Variants in AKAP9 observed in about 807,000 individuals in gnomAD.
AKAP9 encodes the protein A-kinase anchoring protein 9, also known as A-kinase anchor protein 9.
In AKAP9, 311 loss-of-function variants were observed where a neutral mutation model predicts 488.5. The ratio of observed to expected loss-of-function variants is 0.64; its 90% confidence interval spans 0.58 to 0.70. The LOEUF is 0.70. Ranked by LOEUF, AKAP9 falls within the 30% of genes least tolerant of loss-of-function variation. The probability of loss-of-function intolerance (pLI) is 0.00; values close to 1 mark genes in which losing one functional copy is unlikely to be tolerated. For synonymous variants in AKAP9, 1,462 were observed against 1,483.5 expected (o/e 0.99, Z 0.33); for missense variants, 4,215 against 4,374.5 (o/e 0.96, Z 1.03).
At chr7:92,021,795 T>C (rs1355816912) in intron 12 of AKAP9, among the ~76,000 whole-genome samples, 4 of 152,216 alleles carry the variant, frequency 2.6e-5, no homozygotes, top group African/African-American at 9.6e-5. Flanking sequence ...TTGTTTACTG[T>C]ACAGAGCACC....
At chr7:92,029,844 C>G in intron 14 of AKAP9, 51 bp from the exon 15 acceptor site, 2 of 1,466,378 alleles carry the variant, frequency 1.4e-6, no homozygotes, top group Non-Finnish European at 1.9e-6. Context: ...TGCATGAACA[C>G]TAAAGCACAT....
chr7:92,110,184 G>A lies in AKAP9; in HGVS notation c.*25G>A, dbSNP rs144959713. 119 of 1,569,662 alleles carry A rather than the reference G, an allele frequency of 7.6e-5. No individual in the cohort carries two copies. Among genetic ancestry groups the A allele is most frequent in the Non-Finnish European group, 9.5e-5 (109 of 1,144,636 alleles). ...ATCCTTTGAAACATCATTAATTGAA[G>A]TGATTTTAAATAGATTTCCTTTTGT... On this transcript the variant is annotated 3_prime_UTR_variant, in exon 50 of 50. Coordinates refer to ENST00000356239, the MANE Select transcript of AKAP9 (RefSeq NM_005751.5).
At chr7:92,007,717 A>G (rs1800111809) in intron 8 of AKAP9, among the ~76,000 whole-genome samples, 1 of 152,226 alleles carries the variant, frequency 6.6e-6, no homozygotes, top group South Asian at 2.1e-4. Context: ...TAATTGGTTT[A>G]TAGTTTATCT....
chr7:92,079,672 A>G lies in AKAP9; in HGVS notation c.7539A>G (p.Leu2513=). ...AGAGCACTGTTAGTGCAAAGGACTT[A>G]GAACTTACCCAGTGTTATAAACAAA... ...QLESTVSAKD[L]ELTQCYKQIK... is the part of the protein sequence containing the mutation. The change falls in exon 31 of 50, where the codon TTA becomes TTG. Residue 2513 remains leucine (L), a synonymous_variant. Transcript: ENST00000356239. 1 of 1,614,094 alleles carries G rather than the reference A, an allele frequency of 6.2e-7. No homozygotes were observed. Among genetic ancestry groups the G allele is most frequent in the Non-Finnish European group, 8.5e-7 (1 of 1,179,980 alleles).
chr7:92,003,096 C>T lies in AKAP9; in HGVS notation c.3179C>T (p.Thr1060Ile). Residue 1060 changes from threonine (T) to isoleucine (I), a missense_variant, in exon 8 of 50, where the codon ACT (threonine) becomes ATT (isoleucine). By Grantham distance (89) the Thr-to-Ile change is moderately conservative. Around this residue, in one of 5 missense-constraint regions of AKAP9, gnomAD observed 2,361 missense variants for 2,430.0 expected, o/e 0.97. Coordinates refer to ENST00000356239, the MANE Select transcript of AKAP9 (RefSeq NM_005751.5). Reference protein sequence around the residue: ...VEDKVSFENMTVGEESKQEQL... With the variant: ...VEDKVSFENMIVGEESKQEQL... ...GATAAAGTTTCTTTTGAAAATATGACTGTTGGAGAAGAAAGTAAGCAAGAA... is the reference window on the plus strand; with the variant it reads ...GATAAAGTTTCTTTTGAAAATATGATTGTTGGAGAAGAAAGTAAGCAAGAA... 1 of 1,612,198 alleles carries T rather than the reference C, an allele frequency of 6.2e-7. No individual in the cohort carries two copies. Among genetic ancestry groups the T allele is most frequent in the Non-Finnish European group, 8.5e-7 (1 of 1,179,070 alleles).
intron 47 of AKAP9, among the ~76,000 whole-genome samples, chr7:92,106,016 T>C (rs1213875183): frequency 6.6e-6 from 1 of 152,242 alleles, no homozygotes; most frequent in Non-Finnish European, 1.5e-5. Context: ...CTTATGAGAA[T>C]CTAACTAATG....
chr7:92,095,023 G>T lies in AKAP9; in HGVS notation c.9579G>T (p.Arg3193Ser). ...HKHLKELEAF[R>S]LEVKDKTDEV... Reference sequence around the variant, plus strand: ...AAATTCATTTGTCTTTCTGACTTAGGTTGGAAGTTAAAGATAAGACAGATG... The same window carrying T: ...AAATTCATTTGTCTTTCTGACTTAGTTTGGAAGTTAAAGATAAGACAGATG... The change falls in exon 40 of 50, where the codon AGG (arginine) becomes AGT (serine). Residue 3193 changes from arginine (R) to serine (S), a missense_variant and splice_region_variant. Physicochemically the swap from Arg to Ser is moderately radical, Grantham distance 110. Transcript: ENST00000356239. 6.2e-7 allele frequency: 1 copy of T among 1,613,806 alleles called. No individual in the cohort carries two copies. The highest frequency in any genetic ancestry group is 8.5e-7 in the Non-Finnish European group (1 of 1,179,788).
chr7:91,941,145 A>T lies in AKAP9; in HGVS notation c.46A>T (p.Lys16Ter). Residue 16 changes from lysine to a stop codon, truncating the protein, a stop_gained and splice_region_variant, in exon 1 of 50, where the codon AAG becomes TAG. Transcript: ENST00000356239. LOFTEE classifies it high-confidence loss of function. ...RQKKLEAGKA[K>*]LAQFRQRKAQ... is the part of the protein sequence containing the mutation. ...GAAGAAGCTGGAGGCCGGCAAAGCC[A>T]AGGTAGGAGAGCCCGAGGCAACCGG... is the stretch of plus-strand genomic sequence containing the variant. 1 of 1,613,996 alleles carries T rather than the reference A, an allele frequency of 6.2e-7. No individual in the cohort carries two copies. Among genetic ancestry groups the T allele is most frequent in the South Asian group, 1.1e-5 (1 of 91,088 alleles).
intron 31 of AKAP9, 47 bp from the exon 32 acceptor site, chr7:92,082,475 A>AT (rs1399548910): frequency 6.3e-7 from 1 of 1,590,020 alleles, no homozygotes; most frequent in Admixed American, 1.7e-5. Flanking sequence ...GAATTTAGCT[A>AT]TATTTTTTTT....
intron 45 of AKAP9, among the ~76,000 whole-genome samples, chr7:92,101,373 G>A (rs1817488466): frequency 6.6e-6 from 1 of 151,644 alleles, no homozygotes; most frequent in African/African-American, 2.4e-5. Context: ...GGAAGCGGAG[G>A]TTGCAGTGAG....
chr7:91,966,937 C>T (rs1455534842), intron 1 of AKAP9, among the ~76,000 whole-genome samples: 2 of 152,004 alleles, frequency 1.3e-5, no homozygotes, highest in Non-Finnish European at 2.9e-5. Flanking sequence ...TTACAATATT[C>T]TTCTAATCCA....
In AKAP9 at chr7:92,098,132, A is replaced by G. The variant is rs777806315; in HGVS notation, c.10631A>G (p.Asp3544Gly). Residue 3544 changes from aspartate to glycine, a missense_variant, in exon 43 of 50, where the codon GAT becomes GGT. This residue lies in a region of AKAP9 where 1,476 missense variants were observed against 1,477.4 expected (regional missense o/e 1.00). Coordinates refer to ENST00000356239, the MANE Select transcript of AKAP9 (RefSeq NM_005751.5). ...AGACTACAGTTTGAAACAGCAGATG[A>G]TGAAGATTTCATTTGGGTTCAGGAA... Reference protein sequence around the residue: ...SERLQFETADDEDFIWVQENI... With the variant: ...SERLQFETADGEDFIWVQENI... 6.2e-7 allele frequency: 1 copy of G among 1,611,422 alleles called. No homozygotes were observed. Among genetic ancestry groups the G allele is most frequent in the African/African-American group, 1.3e-5 (1 of 74,972 alleles).
At chr7:92,097,478 T>C (rs1294905365) in intron 41 of AKAP9, 108 bp from the exon 42 acceptor site, 2 of 1,501,042 alleles carry the variant, frequency 1.3e-6, no homozygotes, top group African/African-American at 1.4e-5. Flanking sequence ...AAAAATGAAA[T>C]CTATAGAAGT....
intron 17 of AKAP9, among the ~76,000 whole-genome samples, chr7:92,039,343 G>A (rs1041901186): frequency 1.3e-5 from 2 of 152,174 alleles, no homozygotes; most frequent in South Asian, 2.1e-4. Flanking sequence ...CCCATTGTAA[G>A]TTGTACGTAC....
In AKAP9 at chr7:92,103,486, G is replaced by A. The variant is rs184032724; in HGVS notation, c.11330+660G>A. ...TGAGGCCGGCAGATCGTGAGGTCAGGAGATTGAGACCATCCTGGCTATGCT... is the reference window on the plus strand; with the variant it reads ...TGAGGCCGGCAGATCGTGAGGTCAGAAGATTGAGACCATCCTGGCTATGCT... On this transcript the variant is annotated intron_variant, in intron 46 of 49. Transcript: ENST00000356239. Among the ~76,000 whole-genome samples, 785 of 151,502 alleles carry A rather than the reference G, an allele frequency of 5.2e-3. 2 individuals carry two copies. The highest frequency in any genetic ancestry group is 7.8e-3 in the Non-Finnish European group (529 of 67,914).
At chr7:91,994,510 T>C in intron 5 of AKAP9, 111 bp from the exon 6 acceptor site, 1 of 935,794 alleles carries the variant, frequency 1.1e-6, no homozygotes, top group South Asian at 1.7e-5. Context: ...AAATACTGAT[T>C]ACAAAGTGTA....
intron 14 of AKAP9, among the ~76,000 whole-genome samples, chr7:92,029,450 T>C (rs1429693181): frequency 6.6e-6 from 1 of 152,232 alleles, no homozygotes; most frequent in East Asian, 1.9e-4. Context: ...TACAAACTTT[T>C]TTAAAGTCAT....
chr7:92,070,253 ATAC>A, intron 27 of AKAP9, 47 bp downstream of exon 27: 1 of 1,571,858 alleles, frequency 6.4e-7, no homozygotes, highest in South Asian at 1.1e-5. Context: ...TTAATGAAGA[ATAC>A]TCTTAAATTG....
intron 21 of AKAP9, among the ~76,000 whole-genome samples, chr7:92,051,852 A>T (rs966603004): frequency 8.5e-5 from 13 of 152,232 alleles, no homozygotes; most frequent in African/African-American, 3.1e-4. Flanking sequence ...CCTCTTCAGG[A>T]AACTTCACTG....
Sources: allele counts gnomAD v4.1 joint callset (sites outside exome capture counted in the v4.1 genomes callset), GRCh38; gene constraint gnomAD v4.1.1; regional missense constraint gnomAD v4.1.1; transcripts MANE v1.5; gene names NCBI Gene and HGNC (gene_info 2026-07-23, HGNC 2026-07-21).